NUDC: variants seen among roughly 807,000 people sequenced by gnomAD.
NUDC encodes the protein nuclear distribution C, dynein complex regulator.
In NUDC, 14 loss-of-function variants were observed where a neutral mutation model predicts 45.0. That is an observed-to-expected ratio of 0.31 (90% CI 0.21 to 0.49). The LOEUF (loss-of-function observed/expected upper bound fraction) is 0.49, where lower values mean the gene tolerates loss of function less well. Ranked by LOEUF, NUDC falls within the 20% of genes least tolerant of loss-of-function variation. The pLI is 0.99. For missense variants in NUDC, 323 were observed against 426.2 expected, an observed-to-expected ratio of 0.76 and a Z score of 2.13; for synonymous variants, 153 against 156.7, an observed-to-expected ratio of 0.98 and a Z score of 0.17.
intron 2 of NUDC, among the ~76,000 whole-genome samples, chr1:26,924,701 C>G (rs1312443019): frequency 6.6e-6 from 1 of 151,488 alleles, no homozygotes; most frequent in Non-Finnish European, 1.5e-5. Context: ...TTACAGGCGC[C>G]CGCCACCACA....
chr1:26,929,357 G>A (rs1444819604), intron 2 of NUDC, among the ~76,000 whole-genome samples: 6 of 151,238 alleles, frequency 4.0e-5, no homozygotes, highest in Admixed American at 2.6e-4. Context: ...AGGATGGCTT[G>A]AGCCCAGGAA....
intron 8 of NUDC, 58 bp from the exon 9 acceptor site, chr1:26,946,072 G>A: frequency 6.5e-7 from 1 of 1,540,030 alleles, no homozygotes; most frequent in Non-Finnish European, 9.0e-7. Context: ...GGTGCTGGGA[G>A]AAGGGACAGC....
intron 6 of NUDC, among the ~76,000 whole-genome samples, chr1:26,943,969 C>T (rs532269544): frequency 6.6e-6 from 1 of 152,212 alleles, no homozygotes; most frequent in East Asian, 1.9e-4. Flanking sequence ...GCTCCGCCTC[C>T]TGGGTTCATG....
chr1:26,917,402 A>T (rs1206401422), upstream of NUDC, among the ~76,000 whole-genome samples: 1 of 151,780 alleles, frequency 6.6e-6, no homozygotes, highest in East Asian at 1.9e-4. Flanking sequence ...TCTCTACTAA[A>T]CATACAAAAA....
intron 4 of NUDC, among the ~76,000 whole-genome samples, chr1:26,942,243 A>T (rs1055075996): frequency 9.9e-5 from 15 of 152,152 alleles, no homozygotes; most frequent in African/African-American, 3.6e-4. Flanking sequence ...ATGAGCCGAG[A>T]TCACGCCACT....
intron 2 of NUDC, among the ~76,000 whole-genome samples, chr1:26,934,917 A>T (rs1304704170): frequency 1.3e-5 from 2 of 151,882 alleles, no homozygotes; most frequent in Admixed American, 1.3e-4. Flanking sequence ...TTGGCCTCCC[A>T]AAGTGCTGGG....
intron 2 of NUDC, chr1:26,929,627 C>T (rs185994928): frequency 3.8e-5 from 11 of 288,178 alleles, no homozygotes; most frequent in East Asian, 2.8e-4. Context: ...TTCGTGGGTA[C>T]GGTGGGACTA....
chr1:26,936,459 G>C (rs1280632883), intron 2 of NUDC, among the ~76,000 whole-genome samples: 2 of 151,112 alleles, frequency 1.3e-5, no homozygotes, highest in Non-Finnish European at 2.9e-5. Flanking sequence ...CAGAGTGCCT[G>C]GTTTACAGGT....
At chr1:26,911,750 C>A (rs1227599723) in intron 3 of NUDC, 9 of 1,473,564 alleles carry the variant, frequency 6.1e-6, no homozygotes, top group Non-Finnish European at 8.5e-6. Flanking sequence ...ACAGGCTTGC[C>A]CCCTCCAGGA....
At chr1:26,924,333 T>C (rs1174434009) in intron 2 of NUDC, among the ~76,000 whole-genome samples, 167 bp downstream of exon 2, 1 of 152,210 alleles carries the variant, frequency 6.6e-6, no homozygotes, top group African/African-American at 2.4e-5. Context: ...CACTCCTTGC[T>C]CAGCCCTCTA....
intron 1 of NUDC, among the ~76,000 whole-genome samples, chr1:26,902,063 C>T (rs528112778): frequency 1.3e-5 from 2 of 152,264 alleles, no homozygotes; most frequent in African/African-American, 4.8e-5. Flanking sequence ...TTAAGAAATG[C>T]CTTCCCACTG....
At chr1:26,900,197 C>T (rs1285672428), upstream of NUDC, 2 of 1,614,076 alleles carry the variant, frequency 1.2e-6, no homozygotes, top group South Asian at 1.1e-5. Flanking sequence ...CATCGGTGGC[C>T]GAAGTCTGAG....
At chr1:26,909,123 T>C (rs1298755578) in intron 2 of NUDC, among the ~76,000 whole-genome samples, 1 of 151,854 alleles carries the variant, frequency 6.6e-6, no homozygotes, top group African/African-American at 2.4e-5. Flanking sequence ...TACAGGTGAG[T>C]GCTGCCATGC....
chr1:26,931,073 G>GT (rs2082179034), intron 2 of NUDC, among the ~76,000 whole-genome samples: 1 of 151,234 alleles, frequency 6.6e-6, no homozygotes, highest in South Asian at 2.1e-4. Context: ...CCTTTGTTTT[G>GT]TTTTTTGTTT....
intron 3 of NUDC, chr1:26,913,688 G>T: frequency 6.2e-7 from 1 of 1,612,704 alleles, no homozygotes; most frequent in Non-Finnish European, 8.5e-7. Flanking sequence ...AGCAGCCGCC[G>T]CTGGTCCTGG....
At chr1:26,943,388 A>T (rs1278508428) in intron 6 of NUDC, among the ~76,000 whole-genome samples, 1 of 151,108 alleles carries the variant, frequency 6.6e-6, no homozygotes, top group East Asian at 1.9e-4. Context: ...TTGTTATTAA[A>T]TTTTTTTGTA....
intron 2 of NUDC, among the ~76,000 whole-genome samples, chr1:26,905,063 C>T (rs777091007): frequency 1.3e-5 from 2 of 151,144 alleles, no homozygotes; most frequent in South Asian, 2.1e-4. Context: ...TCTCGAACTC[C>T]TGACCCTTAG....
At chr1:26,923,883 G>GCA (rs1007426319) in intron 1 of NUDC, among the ~76,000 whole-genome samples, 2 of 151,986 alleles carry the variant, frequency 1.3e-5, no homozygotes, top group African/African-American at 4.8e-5. Flanking sequence ...AGTGAAAGGC[G>GCA]CACACACACA....
chr1:26,940,179 A>G (rs1323265201), intron 2 of NUDC, among the ~76,000 whole-genome samples: 2 of 150,946 alleles, frequency 1.3e-5, no homozygotes, highest in Admixed American at 1.3e-4. Context: ...GCTCATACCT[A>G]TAATCCCAGC....
Sources: gnomAD v4.1 joint callset for allele counts (sites outside exome capture counted in the v4.1 genomes callset) on GRCh38, gnomAD v4.1.1 for gene constraint, MANE v1.5 for transcripts, NCBI Gene and HGNC (gene_info 2026-07-23, HGNC 2026-07-21) for gene names.